Variants in NIPSNAP2 observed in about 807,000 individuals in gnomAD.
The protein encoded by NIPSNAP2 is protein NipSnap homolog 2.
Under a neutral mutation model 48.4 loss-of-function variants are expected in NIPSNAP2, and 42 were observed. The ratio of observed to expected loss-of-function variants is 0.87; its 90% CI spans 0.68 to 1.12. NIPSNAP2 has a LOEUF of 1.12. Ranked by LOEUF, NIPSNAP2 falls within the 50% of genes most tolerant of loss-of-function variation. NIPSNAP2 has a pLI of 0.00. For missense variants in NIPSNAP2, 314 were observed against 347.3 expected (o/e 0.90, Z 0.76); for synonymous variants, 158 against 126.6 (o/e 1.25, Z -1.67).
At chr7:55,998,700 C>A (rs1787619877) in intron 9 of NIPSNAP2, among the ~76,000 whole-genome samples, 1 of 151,910 alleles carries the variant, frequency 6.6e-6, no homozygotes, top group Non-Finnish European at 1.5e-5. Context: ...AGGGTTTCAC[C>A]CTGTTGGCCA....
intron 9 of NIPSNAP2, among the ~76,000 whole-genome samples, chr7:55,998,589 C>T (rs1298502194): frequency 6.7e-6 from 1 of 150,198 alleles, no homozygotes; most frequent in African/African-American, 2.4e-5. Flanking sequence ...CAACCTCCGC[C>T]TCCCGGTTTC....
intron 3 of NIPSNAP2, 95 bp downstream of exon 3, chr7:55,978,490 T>C (rs1584343043): frequency 9.3e-7 from 1 of 1,069,546 alleles, no homozygotes; most frequent in Non-Finnish European, 1.3e-6. Flanking sequence ...GAGAGATCTT[T>C]CATCCCTCTC....
In NIPSNAP2 at chr7:55,998,493, G is replaced by GTTTTTTTTTTTTT. The variant is rs1164855630; in HGVS notation, c.797-501_797-489dup. Among the ~76,000 whole-genome samples, 21 of 63,196 alleles carry GTTTTTTTTTTTTT rather than the reference G, an allele frequency of 3.3e-4. 3 individuals carry two copies. The highest frequency in any genetic ancestry group is 1.1e-3 in the African/African-American group (19 of 17,548). The allele number at this position is 63,196 out of a possible 152,430, so 41.5% of individuals were successfully genotyped here. On this transcript the variant is annotated intron_variant, in intron 9 of 9. Transcript: ENST00000322090. ...TAAAACAAATATCCAGGTAGGATCT[G>GTTTTTTTTTTTTT]TTTTTTTTTTTTTTTTTTTTTTTTT... is the stretch of plus-strand genomic sequence containing the variant.
In NIPSNAP2 at chr7:55,986,381, G is replaced by A. The variant is rs577335385; in HGVS notation, c.617+1503G>A. On this transcript the variant is annotated intron_variant, in intron 7 of 9. Coordinates refer to ENST00000322090, the MANE Select transcript of NIPSNAP2 (RefSeq NM_001483.3). ...CTGTCTCAAAAAAATAAAAAATTAG[G>A]GCGGGGATGGTGGCTCACACCTGTT... 5.3e-5 allele frequency among the ~76,000 whole-genome samples: 8 copies of A among 152,018 alleles called. No homozygotes were observed. In the South Asian group the frequency reaches 1.0e-3, roughly 20 times the overall value.
At chr7:55,998,284 C>A (rs530795489) in intron 9 of NIPSNAP2, among the ~76,000 whole-genome samples, 36 of 151,900 alleles carry the variant, frequency 2.4e-4, no homozygotes, top group African/African-American at 8.4e-4. Flanking sequence ...CCTATACTAC[C>A]AAGAAAATAA....
chr7:56,000,050 T>C lies in NIPSNAP2; in HGVS notation c.*978T>C, dbSNP rs1787645775. 1 of 152,604 alleles carries C rather than the reference T, an allele frequency of 6.6e-6. No individual in the cohort carries two copies. The highest frequency in any genetic ancestry group is 2.4e-5 in the African/African-American group (1 of 41,448). The allele number at this position is 152,604 out of a possible 1,614,324, so 9.5% of individuals were successfully genotyped here. Reference sequence around the variant, plus strand: ...GTGAAAGTCCTGTTGAAATGAACAATTGTCTGCCCCACAATCAAGAATGTA... The same window carrying C: ...GTGAAAGTCCTGTTGAAATGAACAACTGTCTGCCCCACAATCAAGAATGTA... On this transcript the variant is annotated 3_prime_UTR_variant, in exon 10 of 10. Coordinates refer to ENST00000322090, the MANE Select transcript of NIPSNAP2 (RefSeq NM_001483.3).
At chr7:55,977,853 T>C (rs1787133181) in intron 1 of NIPSNAP2, among the ~76,000 whole-genome samples, 1 of 152,182 alleles carries the variant, frequency 6.6e-6, no homozygotes, top group African/African-American at 2.4e-5. Flanking sequence ...TAGGTATCCA[T>C]GTATATTTTT....
chr7:55,974,335 C>T lies in NIPSNAP2; in HGVS notation c.93-3791C>T, dbSNP rs985681188. Reference sequence around the variant, plus strand: ...ATTTAGAGCCCTACTTCTAAAATACCGTTGCTGCATAAGAATAGGAATTTC... The same window carrying T: ...ATTTAGAGCCCTACTTCTAAAATACTGTTGCTGCATAAGAATAGGAATTTC... On this transcript the variant is annotated intron_variant, in intron 1 of 9. Transcript: ENST00000322090. 4.6e-5 allele frequency among the ~76,000 whole-genome samples: 7 copies of T among 151,652 alleles called. No individual in the cohort carries two copies. In the South Asian group the frequency reaches 8.3e-4, roughly 18 times the overall value.
chr7:55,979,511 G>A (rs1000064561), intron 3 of NIPSNAP2: 8 of 294,518 alleles, frequency 2.7e-5, no homozygotes, highest in Non-Finnish European at 4.7e-5. Context: ...TGGTGAATCT[G>A]TCACCTAAGC....
At chr7:55,966,401 G>A (rs1158461892) in intron 1 of NIPSNAP2, among the ~76,000 whole-genome samples, 2 of 152,236 alleles carry the variant, frequency 1.3e-5, no homozygotes, top group Admixed American at 6.5e-5. Context: ...GAGCCCAGGA[G>A]TTTGAGACCA....
chr7:55,982,389 AAC>A, intron 5 of NIPSNAP2, 109 bp downstream of exon 5: 1 of 676,480 alleles, frequency 1.5e-6, no homozygotes. Context: ...ATTTTTTTGT[AAC>A]AGAAATTTTA....
chr7:55,981,542 G>C lies in NIPSNAP2; in HGVS notation c.348G>C (p.Thr116=). 6.2e-7 allele frequency: 1 copy of C among 1,613,844 alleles called. No homozygotes were observed. The highest frequency in any genetic ancestry group is 1.1e-5 in the South Asian group (1 of 91,070). ...YPCTLVGTWN[T]WYGEQDQAVH... is the part of the protein sequence containing the mutation. ...GTACTTTGGTGGGGACTTGGAACAC[G>C]TGGTATGGCGAGCAGGACCAAGCTG... The change falls in exon 4 of 10, where the codon ACG becomes ACC. Residue 116 remains threonine (T), a synonymous_variant. Transcript: ENST00000322090.
chr7:55,991,748 CA>C (rs869175007), intron 7 of NIPSNAP2: 8,400 of 150,440 alleles, frequency 0.056, 494 homozygotes, highest in African/African-American at 0.17. Flanking sequence ...AACTCTGTCT[CA>C]AAAAAAAAAA....
At chr7:55,974,912 C>T (rs56269128) in intron 1 of NIPSNAP2, among the ~76,000 whole-genome samples, 27,003 of 151,024 alleles carry the variant, frequency 0.18, 2,811 homozygotes, top group Non-Finnish European at 0.23. Context: ...AAAGAGATCC[C>T]CAAGAAGAGG....
In NIPSNAP2 at chr7:55,999,178, T is replaced by G. The variant is rs566775204; in HGVS notation, c.*106T>G. The G allele has an allele frequency of 1.1e-6, 1 of 897,302 alleles. No individual in the cohort carries two copies. Among genetic ancestry groups the G allele is most frequent in the South Asian group, 1.4e-5 (1 of 69,420 alleles). The allele number at this position is 897,302 out of a possible 1,614,324, so 55.6% of individuals were successfully genotyped here. A position where few individuals can be genotyped will look rare whatever the true frequency, so the allele number is the denominator to read the frequency against. On this transcript the variant is annotated 3_prime_UTR_variant, in exon 10 of 10. Coordinates refer to ENST00000322090, the MANE Select transcript of NIPSNAP2 (RefSeq NM_001483.3). ...AAAAAGAAACACTGAGGTTTTAAGC[T>G]GCTGTATATAGCTTGTGAGAAACCT...
At chr7:55,968,506 C>G (rs1786945084) in intron 1 of NIPSNAP2, among the ~76,000 whole-genome samples, 2 of 151,922 alleles carry the variant, frequency 1.3e-5, no homozygotes, top group African/African-American at 4.8e-5. Flanking sequence ...CTGTCTCAGC[C>G]TCCCGATTAG....
intron 1 of NIPSNAP2, among the ~76,000 whole-genome samples, chr7:55,973,596 T>A (rs1358486731): frequency 6.6e-6 from 1 of 151,808 alleles, no homozygotes; most frequent in Non-Finnish European, 1.5e-5. Context: ...TACCTCAGCC[T>A]CCTGAGTAGC....
At chr7:55,989,608 G>T (rs1584349201) in intron 7 of NIPSNAP2, among the ~76,000 whole-genome samples, 1 of 152,188 alleles carries the variant, frequency 6.6e-6, no homozygotes, top group South Asian at 2.1e-4. Flanking sequence ...CTGGGCAACA[G>T]AGCAAGATCC....
Position 55,999,223 on chromosome 7 carries a change from T to C in NIPSNAP2, c.*151T>C. The C allele has an allele frequency of 3.1e-6, 2 of 654,808 alleles. No homozygotes were observed. The highest frequency in any genetic ancestry group is 5.4e-6 in the Non-Finnish European group (2 of 372,248). The allele number at this position is 654,808 out of a possible 1,614,324, so 40.6% of individuals were successfully genotyped here. A position where few individuals can be genotyped will look rare whatever the true frequency, so the allele number is the denominator to read the frequency against. On this transcript the variant is annotated 3_prime_UTR_variant, in exon 10 of 10. Transcript: ENST00000322090. Reference sequence around the variant, plus strand: ...AAACCTCTTTTCTTTAAAATTTACATAATCACAAGAAAGGAAAGAATTACA... The same window carrying C: ...AAACCTCTTTTCTTTAAAATTTACACAATCACAAGAAAGGAAAGAATTACA...
Sources: gnomAD v4.1 joint callset for allele counts (sites outside exome capture counted in the v4.1 genomes callset) on GRCh38, gnomAD v4.1.1 for gene constraint, MANE v1.5 for transcripts, NCBI Gene and HGNC (gene_info 2026-07-23, HGNC 2026-07-21) for gene names.